The following GRIP2 variants were observed in gnomAD, a reference collection of about 807,000 sequenced individuals.
The protein encoded by GRIP2 is glutamate receptor-interacting protein 2.
GRIP2 carries 58 observed loss-of-function variants against 108.3 expected under a neutral mutation model. The observed-to-expected ratio is 0.54, with a 90% CI of 0.43 to 0.67. GRIP2 has a LOEUF of 0.67. Among genes scored for constraint, GRIP2 ranks in the 30% least tolerant of loss-of-function variants. GRIP2 has a pLI of 0.00. For synonymous variants in GRIP2, 586 were observed against 598.2 expected, an observed-to-expected ratio of 0.98 and a Z score of 0.30; for missense variants, 1,278 against 1,430.6, an observed-to-expected ratio of 0.89 and a Z score of 1.72.
intron 20 of GRIP2, chr3:14,504,054 C>T (rs1165919321): frequency 3.5e-5 from 9 of 254,102 alleles, no homozygotes; most frequent in East Asian, 2.0e-4. Flanking sequence ...CACACGGCAC[C>T]GTGGGACAGT....
At chr3:14,528,073 C>CCAA (rs1559347021) in intron 1 of GRIP2, among the ~76,000 whole-genome samples, 1 of 152,124 alleles carries the variant, frequency 6.6e-6, no homozygotes, top group Non-Finnish European at 1.5e-5. Flanking sequence ...AGTCCCTGCC[C>CCAA]CAACCTCTGT....
chr3:14,554,079 T>A (rs1168727796), intron 1 of GRIP2, among the ~76,000 whole-genome samples: 1 of 152,140 alleles, frequency 6.6e-6, no homozygotes, highest in South Asian at 2.1e-4. Flanking sequence ...AAGGGGAAGA[T>A]GGAATTAAAA....
chr3:14,514,595 C>A, intron 11 of GRIP2, 117 bp from the exon 12 acceptor site: 1 of 1,015,290 alleles, frequency 9.8e-7, no homozygotes, highest in Non-Finnish European at 1.4e-6. Context: ...AGTGGGAGCC[C>A]TGACTCAGTC....
chr3:14,566,180 G>A, the GRIP2 span, among the ~76,000 whole-genome samples: 8 of 152,212 alleles, frequency 5.3e-5, no homozygotes, highest in Admixed American at 2.0e-4. Context: ...ACGAGCCACC[G>A]TAGTGTGGGA....
At chr3:14,500,317 G>A (rs1693732004) in intron 21 of GRIP2, among the ~76,000 whole-genome samples, 1 of 152,178 alleles carries the variant, frequency 6.6e-6, no homozygotes, top group Non-Finnish European at 1.5e-5. Context: ...CAATAAGAAG[G>A]AGGCAATATT....
the GRIP2 span, among the ~76,000 whole-genome samples, chr3:14,578,706 G>T: frequency 0.04 from 6,101 of 150,774 alleles, 189 homozygotes; most frequent in Middle Eastern, 0.068. Flanking sequence ...AACAGAGCAA[G>T]GCTCCATCTC....
rs1575029339 is a variant in GRIP2 at position 14,540,172 on chromosome 3, G to A, written c.40+97C>T. The A allele has an allele frequency of 6.9e-7, 1 of 1,450,992 alleles. No homozygotes were observed. The highest frequency in any genetic ancestry group is 2.4e-5 in the East Asian group (1 of 41,460). The allele number at this position is 1,450,992 out of a possible 1,614,324, so 89.9% of individuals were successfully genotyped here. On this transcript the variant is annotated intron_variant, in intron 1 of 23. Transcript: ENST00000621039. The surrounding 1 kb of genome is among the most constrained non-coding windows in gnomAD (Gnocchi z 4.1). ...GGGTCTCCAGGGAGTGGCAGTCCCA[G>A]GTCTCAGCCATCCAGTCCCCTCTCT...
the GRIP2 span, among the ~76,000 whole-genome samples, chr3:14,582,762 C>A: frequency 1.3e-5 from 2 of 152,188 alleles, no homozygotes; most frequent in Admixed American, 6.5e-5. Flanking sequence ...CCCTCTCTAT[C>A]CCCTGATTCT....
the GRIP2 span, chr3:14,573,815 G>C: frequency 1.3e-6 from 2 of 1,542,432 alleles, no homozygotes; most frequent in East Asian, 4.5e-5. Flanking sequence ...CAAGCTCTGG[G>C]GCGCTGGAAT....
intron 2 of GRIP2, 139 bp from the exon 3 acceptor site, chr3:14,525,711 C>G: frequency 7.6e-7 from 1 of 1,312,162 alleles, no homozygotes; most frequent in Non-Finnish European, 1.1e-6. Flanking sequence ...CTCCTTTTTA[C>G]AGAGGAGAAT....
At chr3:14,570,892 G>C in the GRIP2 span, among the ~76,000 whole-genome samples, 12 of 152,190 alleles carry the variant, frequency 7.9e-5, no homozygotes, top group African/African-American at 2.7e-4. Context: ...TATGTGAGCT[G>C]AAACAGATGT....
chr3:14,551,749 C>T (rs925349869), intron 1 of GRIP2, among the ~76,000 whole-genome samples: 6 of 152,110 alleles, frequency 3.9e-5, no homozygotes, highest in African/African-American at 1.4e-4. Context: ...TGAAGGAACG[C>T]CCCCGGGGTG....
At chr3:14,532,327 G>A (rs528573866) in intron 1 of GRIP2, among the ~76,000 whole-genome samples, 1 of 152,236 alleles carries the variant, frequency 6.6e-6, no homozygotes, top group Admixed American at 6.5e-5. Flanking sequence ...GGTATGAGTG[G>A]CCTGAGTCAA....
chr3:14,598,319 C>T, the GRIP2 span, among the ~76,000 whole-genome samples: 1 of 150,244 alleles, frequency 6.7e-6, no homozygotes, highest in Non-Finnish European at 1.5e-5. Flanking sequence ...GGCATAGGGA[C>T]ACATCAGCTA....
At chr3:14,577,402 ACAGAGACAAAG>A in the GRIP2 span, among the ~76,000 whole-genome samples, 1 of 152,244 alleles carries the variant, frequency 6.6e-6, no homozygotes, top group Non-Finnish European at 1.5e-5. Context: ...ACAGGAAGAC[ACAGAGACAAAG>A]CAGAGAGAGA....
rs894432732 is a variant in GRIP2, at chr3:14,522,906, C to T, written c.566+94G>A. 30 of 1,027,018 alleles carry T rather than the reference C, an allele frequency of 2.9e-5. No individual in the cohort carries two copies. The highest frequency in any genetic ancestry group is 4.5e-5 in the Non-Finnish European group (29 of 648,686). The allele number at this position is 1,027,018 out of a possible 1,614,324, so 63.6% of individuals were successfully genotyped here. A position where few individuals can be genotyped will look rare whatever the true frequency, so the allele number is the denominator to read the frequency against. ...TCCCTCAGGGCCTCGATCTCTTCAT[C>T]TGGGGAAGGGGCATGGTGACCCCAC... On this transcript the variant is annotated intron_variant, in intron 6 of 23. Coordinates refer to ENST00000621039, the MANE Select transcript of GRIP2 (RefSeq NM_001080423.4). The surrounding 1 kb of genome is among the most constrained non-coding windows in gnomAD (Gnocchi z 4.3).
At chr3:14,493,928 C>A in intron 23 of GRIP2, 102 bp from the exon 24 acceptor site, 3 of 1,271,546 alleles carry the variant, frequency 2.4e-6, no homozygotes, top group Admixed American at 2.4e-5. Flanking sequence ...CCTGCCCCAG[C>A]CTTGACGCAA....
At chr3:14,578,070 C>G in the GRIP2 span, among the ~76,000 whole-genome samples, 1 of 152,224 alleles carries the variant, frequency 6.6e-6, no homozygotes, top group East Asian at 1.9e-4. Flanking sequence ...GGCAGACTCT[C>G]GTTGCCCTTC....
At chr3:14,524,960 T>C (rs1417008320) in intron 3 of GRIP2, among the ~76,000 whole-genome samples, 1 of 152,182 alleles carries the variant, frequency 6.6e-6, no homozygotes, top group African/African-American at 2.4e-5. Context: ...GGCCTCACAG[T>C]CCAAGGGAGC....
Sources: gnomAD v4.1 joint callset for allele counts (sites outside exome capture counted in the v4.1 genomes callset) on GRCh38, gnomAD v4.1.1 for gene constraint, Gnocchi (gnomAD v3.1) non-coding constraint, MANE v1.5 for transcripts, NCBI Gene and HGNC (gene_info 2026-07-23, HGNC 2026-07-21) for gene names.